Variants in LETM2 observed in about 807,000 individuals in gnomAD.
LETM2 encodes the protein leucine zipper and EF-hand containing transmembrane protein 2, also known as LETM1 domain-containing protein LETM2, mitochondrial.
Under a neutral mutation model 59.6 loss-of-function variants are expected in LETM2, and 58 were observed. The observed-to-expected ratio is 0.97, with a 90% confidence interval of 0.79 to 1.21. The LOEUF (loss-of-function observed/expected upper bound fraction) is 1.21, where lower values mean the gene tolerates loss of function less well. Among genes scored for constraint, LETM2 ranks in the 50% most tolerant of loss-of-function variants. The pLI is 0.00. For synonymous variants in LETM2, 199 were observed against 214.1 expected (o/e 0.93, Z 0.62); for missense variants, 572 against 575.7 (o/e 0.99, Z 0.07).
At position 38,403,744 on chromosome 8, in the gene LETM2, T is replaced by C. The variant is rs192440806; in HGVS notation, c.1105-649T>C. On this transcript the variant is annotated intron_variant, in intron 7 of 10. Coordinates refer to ENST00000379957, the MANE Select transcript of LETM2 (RefSeq NM_001286819.2). ...CCAGCTCTGGTTGGAAGACAGCACA[T>C]TGTAGAGAAAGATCCTTAAAATCAT... is the stretch of plus-strand genomic sequence containing the variant. Among the ~76,000 whole-genome samples, 254 of 152,324 alleles carry C rather than the reference T, an allele frequency of 1.7e-3. 1 individual carries two copies. Among genetic ancestry groups the C allele is most frequent in the Non-Finnish European group, 2.6e-3 (175 of 68,018 alleles).
At chr8:38,403,378 G>C (rs1813410899) in intron 7 of LETM2, among the ~76,000 whole-genome samples, 1 of 152,264 alleles carries the variant, frequency 6.6e-6, no homozygotes, top group African/African-American at 2.4e-5. Flanking sequence ...ACTTCACGTA[G>C]TGTAACGGGT....
chr8:38,404,274 C>T (rs1437657298), intron 7 of LETM2, 119 bp from the exon 8 acceptor site: 17 of 686,444 alleles, frequency 2.5e-5, no homozygotes, highest in Non-Finnish European at 3.3e-5. Context: ...ATCACCTGAG[C>T]GGCTTGGCGG....
In LETM2 at chr8:38,408,424, T is replaced by G; in HGVS notation, c.*150T>G. 1.6e-6 allele frequency: 1 copy of G among 638,154 alleles called. No homozygotes were observed. The highest frequency in any genetic ancestry group is 2.8e-6 in the Non-Finnish European group (1 of 362,778). The allele number at this position is 638,154 out of a possible 1,614,324, so 39.5% of individuals were successfully genotyped here. A position where few individuals can be genotyped will look rare whatever the true frequency, so the allele number is the denominator to read the frequency against. ...CAGTCCTTTGAGGCCTGGTAACCAT[T>G]CCAGGTGATGTGGGTAGTGAGACCA... On this transcript the variant is annotated 3_prime_UTR_variant, in exon 11 of 11. Transcript: ENST00000379957.
At chr8:38,400,460 G>A in intron 5 of LETM2, 51 bp downstream of exon 5, 1 of 1,506,880 alleles carries the variant, frequency 6.6e-7, no homozygotes, top group Non-Finnish European at 8.9e-7. Flanking sequence ...GGCGTTCTAT[G>A]AAAAACGCAT....
chr8:38,397,015 CCT>C (rs1418152134), intron 4 of LETM2: 1 of 439,036 alleles, frequency 2.3e-6, no homozygotes, highest in Non-Finnish European at 4.5e-6. Flanking sequence ...TTCAGCAGCC[CCT>C]GAGAAGAGGG....
At chr8:38,392,442 C>A in intron 2 of LETM2, 100 bp from the exon 3 acceptor site, 1 of 795,414 alleles carries the variant, frequency 1.3e-6, no homozygotes, top group Non-Finnish European at 2.0e-6. Context: ...TTTATTTTGA[C>A]CAGATGTACT....
rs1017882364 is a variant in LETM2, at chr8:38,407,507, C to T, written c.1413+44C>T. On this transcript the variant is annotated intron_variant, in intron 10 of 10. Transcript: ENST00000379957. ...TGAAAAAGAAAGAGAAGACCCTTTC[C>T]CTCTAGTTATCTTTAAGGGCAGTGA... is the stretch of plus-strand genomic sequence containing the variant. 6.3e-6 allele frequency: 8 copies of T among 1,274,910 alleles called. No homozygotes were observed. In the Admixed American group the frequency reaches 6.8e-5, roughly 11 times the overall value. The allele number at this position is 1,274,910 out of a possible 1,614,324, so 79.0% of individuals were successfully genotyped here.
At position 38,408,566 on chromosome 8, in the gene LETM2, T is replaced by G. The variant is rs149632901; in HGVS notation, c.*292T>G. 2.9e-3 allele frequency: 788 copies of G among 270,638 alleles called. 6 individuals are homozygous for G. The highest frequency in any genetic ancestry group is 0.016 in the African/African-American group (728 of 45,296). 16.8% of individuals were successfully genotyped at this position (270,638 alleles called of 1,614,324 possible). On this transcript the variant is annotated 3_prime_UTR_variant, in exon 11 of 11. Coordinates refer to ENST00000379957, the MANE Select transcript of LETM2 (RefSeq NM_001286819.2). ...ATCATGTTGTTTTTTTAGTTTCATG[T>G]GTACGTCCCTTCAGAGAGGAAATTT... is the stretch of plus-strand genomic sequence containing the variant.
intron 10 of LETM2, 183 bp from the exon 11 acceptor site, chr8:38,408,029 C>T (rs1813872318): frequency 3.6e-6 from 2 of 549,388 alleles, no homozygotes; most frequent in Non-Finnish European, 6.6e-6. Context: ...AGAAAAGCAT[C>T]CCAAGGCACA....
chr8:38,390,429 C>A (rs1812136060), intron 2 of LETM2, among the ~76,000 whole-genome samples: 1 of 151,800 alleles, frequency 6.6e-6, no homozygotes, highest in Non-Finnish European at 1.5e-5. Context: ...CGAGACCAGT[C>A]TTGCCAACAT....
chr8:38,397,489 C>T (rs1812781323), intron 4 of LETM2, among the ~76,000 whole-genome samples: 1 of 152,180 alleles, frequency 6.6e-6, no homozygotes, highest in South Asian at 2.1e-4. Flanking sequence ...TAACATGGCT[C>T]AGTGGCATAA....
chr8:38,402,526 T>C lies in LETM2; in HGVS notation c.986T>C (p.Ile329Thr), dbSNP rs1281032601. 4 of 1,613,796 alleles carry C rather than the reference T, an allele frequency of 2.5e-6. No homozygotes were observed. The African/African-American group carries it at 4.0e-5, about 16-fold the overall frequency. Reference protein sequence around the residue: ...KLKSIKADDEIIAKEGVTALS... With the variant: ...KLKSIKADDETIAKEGVTALS... ...CTCCATCCCTTACATTTCTTTCAGA[T>C]AATTGCCAAGGAAGGGGTGACAGCA... Residue 329 changes from isoleucine (I) to threonine (T), a missense_variant and splice_region_variant, in exon 7 of 11, where the codon ATA (isoleucine) becomes ACA (threonine). Coordinates refer to ENST00000379957, the MANE Select transcript of LETM2 (RefSeq NM_001286819.2).
At chr8:38,398,772 G>A (rs897273589) in intron 4 of LETM2, among the ~76,000 whole-genome samples, 3 of 149,584 alleles carry the variant, frequency 2.0e-5, no homozygotes, top group Non-Finnish European at 3.0e-5. Context: ...GCCCAGGCTG[G>A]AGTGCAGTAG....
chr8:38,382,939 C>G (rs1004386183), upstream of LETM2: 4 of 152,176 alleles, frequency 2.6e-5, no homozygotes, highest in African/African-American at 9.7e-5. The surrounding 1 kb of genome is among the most constrained non-coding windows in gnomAD (Gnocchi z 4.2). Context: ...GCCGGCTCGC[C>G]GAGGGAGCGC....
At chr8:38,386,766 T>G (rs1377149342) in intron 1 of LETM2, 198 bp downstream of exon 1, 1 of 152,914 alleles carries the variant, frequency 6.5e-6, no homozygotes, top group East Asian at 1.9e-4. Context: ...GCGCGAACTC[T>G]GAAGCTCGGC....
At position 38,408,367 on chromosome 8, in the gene LETM2, CAG is replaced by C; in HGVS notation, c.*98_*99del. On this transcript the variant is annotated 3_prime_UTR_variant, in exon 11 of 11. Coordinates refer to ENST00000379957, the MANE Select transcript of LETM2 (RefSeq NM_001286819.2). The stretch of plus-strand genomic sequence containing the variant: ...CCTCCCAGATAAGACTGTCTGGCTT[CAG>C]AGAGCGGATCAGCTGTTTAGCCCGT... 1.8e-6 allele frequency: 2 copies of C among 1,110,424 alleles called. No individual in the cohort carries two copies. Among genetic ancestry groups the C allele is most frequent in the South Asian group, 2.7e-5 (2 of 73,544 alleles). The allele number at this position is 1,110,424 out of a possible 1,614,324, so 68.8% of individuals were successfully genotyped here.
chr8:38,406,768 T>C lies in LETM2; in HGVS notation c.1219-178T>C, dbSNP rs1813753459. 1.0e-5 allele frequency: 5 copies of C among 502,046 alleles called. No homozygotes were observed. The South Asian group carries it at 1.8e-4, about 18-fold the overall frequency. 31.1% of individuals were successfully genotyped at this position (502,046 alleles called of 1,614,324 possible). A position where few individuals can be genotyped will look rare whatever the true frequency, so the allele number is the denominator to read the frequency against. The stretch of plus-strand genomic sequence containing the variant: ...CTCAAAACTCAAAGAGAAATAATAC[T>C]AAGTTGCTACATCAGGGGCATATTT... On this transcript the variant is annotated intron_variant, in intron 8 of 10. Coordinates refer to ENST00000379957, the MANE Select transcript of LETM2 (RefSeq NM_001286819.2).
intron 8 of LETM2, 171 bp downstream of exon 8, chr8:38,404,677 C>A (rs548727435): frequency 1.7e-6 from 1 of 580,506 alleles, no homozygotes; most frequent in Non-Finnish European, 3.1e-6. Flanking sequence ...CAACCAACCA[C>A]AAACAAACAA....
At chr8:38,400,679 T>G (rs1222174382) in intron 5 of LETM2, 174 bp from the exon 6 acceptor site, 4 of 686,826 alleles carry the variant, frequency 5.8e-6, no homozygotes, top group Non-Finnish European at 4.8e-6. Flanking sequence ...TCCTGATTTT[T>G]CAGCTGATGT....
Sources: gnomAD v4.1 joint callset for allele counts (sites outside exome capture counted in the v4.1 genomes callset) on GRCh38, gnomAD v4.1.1 for gene constraint, Gnocchi (gnomAD v3.1) non-coding constraint, MANE v1.5 for transcripts, NCBI Gene and HGNC (gene_info 2026-07-23, HGNC 2026-07-21) for gene names.